Variants in HS6ST3 observed in about 807,000 individuals in gnomAD.
The protein encoded by HS6ST3 is heparan-sulfate 6-O-sulfotransferase 3.
HS6ST3 carries 12 observed loss-of-function variants against 36.7 expected under a neutral mutation model. That is an observed-to-expected ratio of 0.33 (90% CI 0.21 to 0.53). The LOEUF (loss-of-function observed/expected upper bound fraction) is 0.53, where lower values mean the gene tolerates loss of function less well. HS6ST3 is among the 20% of genes least tolerant of loss of function. The probability of loss-of-function intolerance (pLI) is 0.95; values close to 1 mark genes in which losing one functional copy is unlikely to be tolerated. For missense variants in HS6ST3, 584 were observed against 640.9 expected (o/e 0.91, Z 0.96); for synonymous variants, 240 against 257.5 (o/e 0.93, Z 0.65).
intron 1 of HS6ST3, among the ~76,000 whole-genome samples, chr13:96,731,690 G>A (rs1016164516): frequency 4.0e-5 from 6 of 151,126 alleles, no homozygotes; most frequent in African/African-American, 1.5e-4. Flanking sequence ...ATGGGGTCTT[G>A]CTCTGTCTCC....
intron 1 of HS6ST3, among the ~76,000 whole-genome samples, chr13:96,812,541 C>A (rs764342898): frequency 2.0e-5 from 3 of 152,136 alleles, no homozygotes; most frequent in Non-Finnish European, 4.4e-5. Context: ...CTTAAAATAA[C>A]CTTCCAACAC....
intron 1 of HS6ST3, among the ~76,000 whole-genome samples, chr13:96,143,440 TG>T (rs201312515): frequency 0.018 from 2,716 of 148,494 alleles, 31 homozygotes; most frequent in Non-Finnish European, 0.029. Flanking sequence ...TATAAATATA[TG>T]TTTATATAAA....
chr13:96,225,171 G>C (rs2054474297), intron 1 of HS6ST3, among the ~76,000 whole-genome samples: 1 of 152,214 alleles, frequency 6.6e-6, no homozygotes, highest in African/African-American at 2.4e-5. Context: ...ACACCTGACA[G>C]GTTTACCCAT....
At chr13:96,722,176 CA>C (rs1220218195) in intron 1 of HS6ST3, among the ~76,000 whole-genome samples, 1 of 152,028 alleles carries the variant, frequency 6.6e-6, no homozygotes, top group Admixed American at 6.6e-5. Flanking sequence ...GAGACAGGAT[CA>C]TCACTTGAAT....
At chr13:96,222,041 T>C (rs2054458291) in intron 1 of HS6ST3, among the ~76,000 whole-genome samples, 1 of 152,222 alleles carries the variant, frequency 6.6e-6, no homozygotes, top group Non-Finnish European at 1.5e-5. Flanking sequence ...TTAAAAAGTG[T>C]TCCAATTTTG....
chr13:96,353,791 A>C (rs545606706), intron 1 of HS6ST3, among the ~76,000 whole-genome samples: 1 of 152,340 alleles, frequency 6.6e-6, no homozygotes, highest in Admixed American at 6.5e-5. Context: ...GACAAATTAT[A>C]AAGAGGTAGC....
At position 96,275,855 on chromosome 13, in the gene HS6ST3, C is replaced by CTT. The variant is rs766378075; in HGVS notation, c.707+184300_707+184301dup. Among the ~76,000 whole-genome samples the CTT allele has an allele frequency of 5.6e-3, 796 of 142,682 alleles. 10 individuals carry two copies. The highest frequency in any genetic ancestry group is 0.029 in the Middle Eastern group (8 of 274). 93.6% of individuals were successfully genotyped at this position (142,682 alleles called of 152,430 possible). On this transcript the variant is annotated intron_variant, in intron 1 of 1. Transcript: ENST00000376705. ...TACCATTCTTCTTCTCTCTGTCTCTCTTTTTTTTTTTTTTTGGTGGTGGTG... is the reference window on the plus strand; with the variant it reads ...TACCATTCTTCTTCTCTCTGTCTCTCTTTTTTTTTTTTTTTTTGGTGGTGGTG...
At chr13:96,146,197 C>A (rs1566893139) in intron 1 of HS6ST3, among the ~76,000 whole-genome samples, 1 of 152,096 alleles carries the variant, frequency 6.6e-6, no homozygotes, top group Non-Finnish European at 1.5e-5. Flanking sequence ...TTAAGAAAGT[C>A]ATTGGTAGCT....
intron 1 of HS6ST3, among the ~76,000 whole-genome samples, chr13:96,655,545 T>C (rs118052613): frequency 3.3e-5 from 5 of 152,250 alleles, no homozygotes; most frequent in Non-Finnish European, 5.9e-5. Flanking sequence ...CTATATAAAA[T>C]AGCTAATTCT....
intron 1 of HS6ST3, among the ~76,000 whole-genome samples, chr13:96,290,387 A>G (rs2054823769): frequency 1.3e-5 from 2 of 152,132 alleles, no homozygotes; most frequent in African/African-American, 4.8e-5. Flanking sequence ...ATTCGGTACA[A>G]TTGCAGAGAT....
intron 1 of HS6ST3, among the ~76,000 whole-genome samples, chr13:96,312,415 A>G (rs1033940562): frequency 3.9e-5 from 6 of 152,134 alleles, no homozygotes; most frequent in Admixed American, 2.6e-4. Flanking sequence ...CAACTTTTGT[A>G]ATATGTACAT....
intron 1 of HS6ST3, among the ~76,000 whole-genome samples, chr13:96,451,014 C>T (rs2055725247): frequency 6.6e-6 from 1 of 152,050 alleles, no homozygotes; most frequent in Non-Finnish European, 1.5e-5. Context: ...TTTAGTCTCT[C>T]ATGAAAGCAG....
intron 1 of HS6ST3, among the ~76,000 whole-genome samples, chr13:96,706,934 A>G (rs1322772883): frequency 4.6e-5 from 7 of 152,174 alleles, no homozygotes; most frequent in African/African-American, 7.2e-5. Context: ...TTGCATTAGA[A>G]TAATCTGAGT....
rs115081749 is a variant in HS6ST3 at position 96,789,001 on chromosome 13, A to G, written c.708-43489A>G. 4.7e-3 allele frequency among the ~76,000 whole-genome samples: 720 copies of G among 151,610 alleles called. 5 individuals are homozygous for G. The highest frequency in any genetic ancestry group is 0.016 in the African/African-American group (668 of 41,426). ...TTTTCTTCTAATTGGTGTGTAGACT[A>G]TTTACATTTCATTACTGGTATGCTT... is the stretch of plus-strand genomic sequence containing the variant. On this transcript the variant is annotated intron_variant, in intron 1 of 1. Transcript: ENST00000376705.
chr13:96,437,842 A>C (rs1386926854), intron 1 of HS6ST3, among the ~76,000 whole-genome samples: 1 of 152,250 alleles, frequency 6.6e-6, no homozygotes, highest in Non-Finnish European at 1.5e-5. Flanking sequence ...TCGTTTTCTC[A>C]GTAACCCAAC....
At chr13:96,548,436 A>T (rs2056205797) in intron 1 of HS6ST3, among the ~76,000 whole-genome samples, 1 of 152,098 alleles carries the variant, frequency 6.6e-6, no homozygotes, top group Non-Finnish European at 1.5e-5. Flanking sequence ...TTGTCACCCC[A>T]AACTGTCTTT....
At chr13:96,325,070 A>G (rs574749875) in intron 1 of HS6ST3, among the ~76,000 whole-genome samples, 42 of 152,350 alleles carry the variant, frequency 2.8e-4, no homozygotes, top group Non-Finnish European at 2.5e-4. Context: ...CTTACTCACC[A>G]GTAAAACCAT....
intron 1 of HS6ST3, among the ~76,000 whole-genome samples, chr13:96,575,264 T>A (rs2056316546): frequency 6.6e-6 from 1 of 152,168 alleles, no homozygotes; most frequent in African/African-American, 2.4e-5. Flanking sequence ...GGAATGAAGA[T>A]ACCCATGGGA....
intron 1 of HS6ST3, among the ~76,000 whole-genome samples, chr13:96,248,742 A>G (rs893863160): frequency 4.6e-5 from 7 of 152,190 alleles, no homozygotes; most frequent in Non-Finnish European, 7.3e-5. Context: ...CCCAATTAAA[A>G]TTATATATGA....
Sources: gnomAD v4.1 joint callset for allele counts (sites outside exome capture counted in the v4.1 genomes callset) on GRCh38, gnomAD v4.1.1 for gene constraint, MANE v1.5 for transcripts, NCBI Gene and HGNC (gene_info 2026-07-23, HGNC 2026-07-21) for gene names.